The following PKIB variants were observed in gnomAD, a reference collection of about 807,000 sequenced individuals.
PKIB encodes PKI-beta.
A neutral mutation model predicts 4.5 loss-of-function variants in PKIB; 2 were observed. The observed-to-expected ratio is 0.44, with a 90% CI of 0.18 to 1.39. PKIB has a LOEUF of 1.39. Ranked by LOEUF, PKIB falls within the 40% of genes most tolerant of loss-of-function variation. The pLI is 0.27. For missense variants in PKIB, 94 were observed against 92.6 expected, an observed-to-expected ratio of 1.02 and a Z score of -0.06; for synonymous variants, 38 against 36.0, an observed-to-expected ratio of 1.06 and a Z score of -0.20.
At chr6:122,664,136 C>CA (rs1404931648) in intron 2 of PKIB, among the ~76,000 whole-genome samples, 2 of 152,160 alleles carry the variant, frequency 1.3e-5, no homozygotes, top group Non-Finnish European at 2.9e-5. Context: ...CAACAACTGA[C>CA]AAAATCCACA....
intron 2 of PKIB, chr6:122,493,353 T>C (rs1399207254): frequency 6.6e-6 from 1 of 152,214 alleles, no homozygotes; most frequent in Non-Finnish European, 1.5e-5. Flanking sequence ...TGAGTCCTTA[T>C]CAGACACTGA....
At chr6:122,576,944 A>T (rs1260615661) in intron 2 of PKIB, among the ~76,000 whole-genome samples, 1 of 151,990 alleles carries the variant, frequency 6.6e-6, no homozygotes, top group African/African-American at 2.4e-5. Context: ...GATCTAAAGA[A>T]TTCCTAGACA....
intron 3 of PKIB, chr6:122,701,506 G>C: frequency 1.3e-6 from 2 of 1,595,928 alleles, no homozygotes; most frequent in Non-Finnish European, 1.7e-6. Context: ...CCAGGGTATA[G>C]TTAACAACCA....
In PKIB at chr6:122,547,569, C is replaced by T. The variant is rs181138374; in HGVS notation, c.-247-38352C>T. On this transcript the variant is annotated intron_variant, in intron 2 of 6. Transcript: ENST00000392491. Reference sequence around the variant, plus strand: ...GCCAGGCTGGTCTCGAACTCCTGACCTCAGGTGATCCACCCACCTCAGCCT... The same window carrying T: ...GCCAGGCTGGTCTCGAACTCCTGACTTCAGGTGATCCACCCACCTCAGCCT... Among the ~76,000 whole-genome samples the T allele has an allele frequency of 4.9e-3, 734 of 151,230 alleles. 4 individuals carry two copies. Among genetic ancestry groups the T allele is most frequent in the South Asian group, 0.015 (72 of 4,812 alleles).
intron 2 of PKIB, among the ~76,000 whole-genome samples, chr6:122,500,314 A>G (rs1776193344): frequency 6.6e-6 from 1 of 152,176 alleles, no homozygotes; most frequent in Non-Finnish European, 1.5e-5. Context: ...TATATTAAGT[A>G]TCCAGTATAT....
upstream of PKIB, among the ~76,000 whole-genome samples, chr6:122,606,696 C>T (rs1774549621): frequency 6.6e-6 from 1 of 152,058 alleles, no homozygotes; most frequent in Non-Finnish European, 1.5e-5. Context: ...AGAATAAATT[C>T]CTTCTGGTGT....
intron 3 of PKIB, among the ~76,000 whole-genome samples, chr6:122,699,310 T>C (rs1778703761): frequency 6.6e-6 from 1 of 151,584 alleles, no homozygotes; most frequent in Admixed American, 6.6e-5. Flanking sequence ...TTGTGTCTCA[T>C]GGGAGGTAAA....
chr6:122,601,241 A>G (rs1774355535), intron 3 of PKIB, among the ~76,000 whole-genome samples: 1 of 152,150 alleles, frequency 6.6e-6, no homozygotes, highest in Admixed American at 6.6e-5. Context: ...GAATAATTAT[A>G]TGAAGAAATG....
At chr6:122,531,395 A>C (rs755567983) in intron 2 of PKIB, 17 of 152,196 alleles carry the variant, frequency 1.1e-4, no homozygotes, top group Non-Finnish European at 2.1e-4. Flanking sequence ...AGATGATTTC[A>C]TCATTGTAGT....
At chr6:122,670,534 C>T (rs1777424367) in intron 2 of PKIB, among the ~76,000 whole-genome samples, 1 of 120,844 alleles carries the variant, frequency 8.3e-6, no homozygotes, top group African/African-American at 2.6e-5. Context: ...TGTTAAACCT[C>T]ATCAGACCTT....
At chr6:122,567,775 G>A (rs1241933778) in intron 2 of PKIB, among the ~76,000 whole-genome samples, 1 of 152,142 alleles carries the variant, frequency 6.6e-6, no homozygotes, top group African/African-American at 2.4e-5. Flanking sequence ...TATAAAATAT[G>A]TAACAAAACA....
intron 1 of PKIB, among the ~76,000 whole-genome samples, chr6:122,477,491 A>C (rs1021345143): frequency 6.6e-6 from 1 of 152,232 alleles, no homozygotes; most frequent in African/African-American, 2.4e-5. Flanking sequence ...GTACTATACT[A>C]TATGATACTA....
intron 2 of PKIB, among the ~76,000 whole-genome samples, chr6:122,485,684 A>G (rs1314805215): frequency 2.0e-5 from 3 of 152,196 alleles, no homozygotes; most frequent in Non-Finnish European, 4.4e-5. Context: ...AAGGATGGCT[A>G]GTTTAATAGC....
chr6:122,541,631 C>G (rs943962907), intron 2 of PKIB, among the ~76,000 whole-genome samples: 2 of 151,958 alleles, frequency 1.3e-5, no homozygotes, highest in Admixed American at 1.3e-4. Flanking sequence ...TCCTTCATTT[C>G]AACTTTGGTG....
Position 122,537,551 on chromosome 6 carries a change from G to A in PKIB, c.-247-48370G>A, listed in dbSNP as rs139151078. 2.1e-3 allele frequency among the ~76,000 whole-genome samples: 316 copies of A among 152,228 alleles called. 1 individual carries two copies. Among genetic ancestry groups the A allele is most frequent in the African/African-American group, 7.2e-3 (300 of 41,528 alleles). On this transcript the variant is annotated intron_variant, in intron 2 of 6. Transcript: ENST00000392491. ...CTGCATAGTATTCCATGGTATATGT[G>A]CCACATTTTCTTCATCCAGTCTATC...
chr6:122,644,856 T>A (rs1358508387), intron 2 of PKIB: 1 of 152,212 alleles, frequency 6.6e-6, no homozygotes, highest in Non-Finnish European at 1.5e-5. Flanking sequence ...TCAAGGCACA[T>A]TTGCAGAAAT....
At chr6:122,484,955 A>G (rs575182284) in intron 2 of PKIB, among the ~76,000 whole-genome samples, 5 of 152,294 alleles carry the variant, frequency 3.3e-5, no homozygotes, top group Non-Finnish European at 5.9e-5. Context: ...CCACTCTTAC[A>G]CTGCCTCGTG....
At chr6:122,682,241 G>A (rs1302812657) in intron 3 of PKIB, among the ~76,000 whole-genome samples, 4 of 151,880 alleles carry the variant, frequency 2.6e-5, no homozygotes, top group African/African-American at 9.7e-5. Context: ...AATTATACTT[G>A]TTACAAGACA....
chr6:122,696,415 G>A (rs952018045), intron 3 of PKIB, among the ~76,000 whole-genome samples: 2 of 152,160 alleles, frequency 1.3e-5, no homozygotes, highest in African/African-American at 2.4e-5. Context: ...TTGAACAGAA[G>A]GGAGATTGAA....
Sources: gnomAD v4.1 joint callset for allele counts (sites outside exome capture counted in the v4.1 genomes callset) on GRCh38, gnomAD v4.1.1 for gene constraint, MANE v1.5 for transcripts, NCBI Gene and HGNC (gene_info 2026-07-23, HGNC 2026-07-21) for gene names.